The following SNED1 variants were observed in gnomAD, a reference collection of about 807,000 sequenced individuals.
SNED1 encodes sushi, nidogen and EGF-like domain-containing protein 1.
Under a neutral mutation model 166.7 loss-of-function variants are expected in SNED1, and 81 were observed. That is an observed-to-expected ratio of 0.49 (90% CI 0.41 to 0.58). The LOEUF is 0.58. SNED1 is among the 20% of genes least tolerant of loss of function. SNED1 has a pLI of 0.00. For missense variants in SNED1, 1,604 were observed against 2,000.2 expected, an observed-to-expected ratio of 0.80 and a Z score of 3.78; for synonymous variants, 762 against 822.0, an observed-to-expected ratio of 0.93 and a Z score of 1.25.
chr2:241,051,475 G>T lies in SNED1; in HGVS notation c.1736-269G>T. 1 of 372,636 alleles carries T rather than the reference G, an allele frequency of 2.7e-6. No individual in the cohort carries two copies. Among genetic ancestry groups the T allele is most frequent in the Non-Finnish European group, 4.8e-6 (1 of 208,422 alleles). 23.1% of individuals were successfully genotyped at this position (372,636 alleles called of 1,614,324 possible). ...TTGGGGCCGGTTCTCCACAGGAAGGGCCCAGCCATTGCCAGAGCCTGGGCA... is the reference window on the plus strand; with the variant it reads ...TTGGGGCCGGTTCTCCACAGGAAGGTCCCAGCCATTGCCAGAGCCTGGGCA... On this transcript the variant is annotated intron_variant, in intron 12 of 31. Transcript: ENST00000310397. The surrounding 1 kb of genome is among the most constrained non-coding windows in gnomAD (Gnocchi z 4.7).
At chr2:241,058,247 TTATAAA>T (rs1173490672) in intron 16 of SNED1, among the ~76,000 whole-genome samples, 1 of 152,184 alleles carries the variant, frequency 6.6e-6, no homozygotes, top group Admixed American at 6.5e-5. Flanking sequence ...GATACAATTA[TTATAAA>T]TATTCAAGCA....
chr2:241,059,091 A>C (rs1252473038), intron 16 of SNED1, among the ~76,000 whole-genome samples: 2 of 152,260 alleles, frequency 1.3e-5, no homozygotes, highest in Non-Finnish European at 2.9e-5. Flanking sequence ...AGATCCTGCC[A>C]GTACTTAAAG....
Position 241,064,808 on chromosome 2 carries a change from C to A in SNED1, c.2600-36C>A. 6.9e-7 allele frequency: 1 copy of A among 1,453,850 alleles called. No individual in the cohort carries two copies. Among genetic ancestry groups the A allele is most frequent in the Non-Finnish European group, 9.2e-7 (1 of 1,084,196 alleles). 90.1% of individuals were successfully genotyped at this position (1,453,850 alleles called of 1,614,324 possible). On this transcript the variant is annotated intron_variant, in intron 19 of 31. Transcript: ENST00000310397. This position sits in a 1 kb window ranked among gnomAD's most constrained non-coding sequence, Gnocchi z 7.0. ...GGGCTGGAGCAGGGACCCCTGGCCA[C>A]GCCCCAACATACACTGCCACTTTTT...
Position 241,068,436 on chromosome 2 carries a change from G to A in SNED1, c.3195-475G>A, listed in dbSNP as rs542737318. On this transcript the variant is annotated intron_variant, in intron 22 of 31. Coordinates refer to ENST00000310397, the MANE Select transcript of SNED1 (RefSeq NM_001080437.3). The surrounding 1 kb of genome is among the most constrained non-coding windows in gnomAD (Gnocchi z 5.3). The stretch of plus-strand genomic sequence containing the variant: ...GTCGCCAACCAAAGAGAAAGCTTCC[G>A]AATCGTGCTCAGCGCAGGCAGGGGT... Among the ~76,000 whole-genome samples the A allele has an allele frequency of 1.6e-4, 25 of 152,106 alleles. No individual in the cohort carries two copies. Among genetic ancestry groups the A allele is most frequent in the African/African-American group, 4.6e-4 (19 of 41,482 alleles).
At chr2:241,020,743 A>G (rs990014977) in intron 1 of SNED1, among the ~76,000 whole-genome samples, 1 of 152,194 alleles carries the variant, frequency 6.6e-6, no homozygotes, top group Non-Finnish European at 1.5e-5. Context: ...GCAGTGGAGT[A>G]CTGCCCTGGG....
In SNED1 at chr2:240,999,104, GGCCGCTGCCCGCCGGGCCCGGACTCCC is replaced by G. The variant is rs2059999352; in HGVS notation, c.213+60_213+86del. On this transcript the variant is annotated intron_variant, in intron 1 of 31. Coordinates refer to ENST00000310397, the MANE Select transcript of SNED1 (RefSeq NM_001080437.3). This position sits in a 1 kb window ranked among gnomAD's most constrained non-coding sequence, Gnocchi z 5.8. ...CCGGGAGGGGAGGGAGCTGCGCCCC[GGCCGCTGCCCGCCGGGCCCGGACTCCC>G]GCCGCCGCCGCCAGCCACTTGGCAC... 1.3e-5 allele frequency: 15 copies of G among 1,114,820 alleles called. No homozygotes were observed. Among genetic ancestry groups the G allele is most frequent in the Non-Finnish European group, 1.7e-5 (15 of 884,822 alleles). 69.1% of individuals were successfully genotyped at this position (1,114,820 alleles called of 1,614,324 possible).
Position 241,069,025 on chromosome 2 carries a change from T to C in SNED1, c.3307+2T>C. 1 of 1,546,454 alleles carries C rather than the reference T, an allele frequency of 6.5e-7. No individual in the cohort carries two copies. The highest frequency in any genetic ancestry group is 8.7e-7 in the Non-Finnish European group (1 of 1,144,052). On this transcript the variant is annotated splice_donor_variant, in intron 23 of 31. Transcript: ENST00000310397. LOFTEE classifies it high-confidence loss of function. The surrounding 1 kb of genome is among the most constrained non-coding windows in gnomAD (Gnocchi z 4.9). ...CCGCGCCGACGCACGTGTGGACCCG[T>C]GAGTAGAGCAGCGCGGCCCCCGGCA...
In SNED1 at chr2:240,999,020, G is replaced by T; in HGVS notation, c.183G>T (p.Pro61=). 1 of 1,324,500 alleles carries T rather than the reference G, an allele frequency of 7.6e-7. No homozygotes were observed. Among genetic ancestry groups the T allele is most frequent in the Non-Finnish European group, 9.7e-7 (1 of 1,033,270 alleles). 82.0% of individuals were successfully genotyped at this position (1,324,500 alleles called of 1,614,324 possible). A position where few individuals can be genotyped will look rare whatever the true frequency, so the allele number is the denominator to read the frequency against. The change falls in exon 1 of 32, where the codon CCG becomes CCT. Residue 61 remains proline, a synonymous_variant. Coordinates refer to ENST00000310397, the MANE Select transcript of SNED1 (RefSeq NM_001080437.3). This position sits in a 1 kb window ranked among gnomAD's most constrained non-coding sequence, Gnocchi z 5.8. ...SGLRPLSVPF[P]FFGAEHSGLY... ...TGCGGCCGCTCTCGGTGCCCTTCCCGTTCTTCGGTGCCGAGCACTCCGGAC... is the reference window on the plus strand; with the variant it reads ...TGCGGCCGCTCTCGGTGCCCTTCCCTTTCTTCGGTGCCGAGCACTCCGGAC...
At chr2:241,079,302 C>T (rs946579954) in intron 27 of SNED1, among the ~76,000 whole-genome samples, 54 of 143,514 alleles carry the variant, frequency 3.8e-4, no homozygotes, top group Non-Finnish European at 5.3e-4. Context: ...GTCCCAGCTA[C>T]TCAGGAGGCT....
At chr2:241,082,168 G>T in intron 28 of SNED1, 109 bp from the exon 29 acceptor site, 1 of 834,100 alleles carries the variant, frequency 1.2e-6, no homozygotes, top group Admixed American at 2.3e-5. Flanking sequence ...CGCCTTGGAG[G>T]AAGCCAGCCT....
chr2:241,084,134 A>ATTTTTTTTTT (rs368364855), intron 29 of SNED1, among the ~76,000 whole-genome samples: 1 of 123,320 alleles, frequency 8.1e-6, no homozygotes, highest in African/African-American at 3.2e-5. Flanking sequence ...AGCGTCTAGG[A>ATTTTTTTTTT]TTTTTTTTTT....
At chr2:241,089,474 C>T in intron 31 of SNED1, 4 of 1,520,804 alleles carry the variant, frequency 2.6e-6, no homozygotes, top group Non-Finnish European at 3.5e-6. Context: ...TGTCCACACC[C>T]CCTTGGGGGA....
At chr2:241,089,209 C>T (rs2063750711) in intron 31 of SNED1, 2 of 1,274,010 alleles carry the variant, frequency 1.6e-6, no homozygotes, top group African/African-American at 3.0e-5. Flanking sequence ...ATCAACATGT[C>T]ACTGCATGAA....
chr2:241,056,661 A>G (rs1433024386), intron 16 of SNED1, among the ~76,000 whole-genome samples: 1 of 139,162 alleles, frequency 7.2e-6, no homozygotes, highest in Non-Finnish European at 1.5e-5. Context: ...GCTCACTGCA[A>G]TCTCCGCCTC....
In SNED1 at chr2:241,053,325, TG is replaced by T; in HGVS notation, c.2257+1del. On this transcript the variant is annotated frameshift_variant and splice_region_variant, in exon 16 of 32. Coordinates refer to ENST00000310397, the MANE Select transcript of SNED1 (RefSeq NM_001080437.3). LOFTEE classifies it high-confidence loss of function. ...TCTGGAGTGAGCCTCCCCAGTGCCT[TG>T]GTGATTCTGTGGGCCCTTGGGGTGG... ...GVWSEPPQCLEIDECRSQPCL... is the reference protein window; with the variant it reads ...GVWSEPPQCLXIDECRSQPCL... 1 of 1,566,368 alleles carries T rather than the reference TG, an allele frequency of 6.4e-7. No homozygotes were observed. Among genetic ancestry groups the T allele is most frequent in the Non-Finnish European group, 8.7e-7 (1 of 1,153,050 alleles).
At chr2:241,078,448 G>GT (rs2063153987) in intron 27 of SNED1, among the ~76,000 whole-genome samples, 1 of 151,418 alleles carries the variant, frequency 6.6e-6, no homozygotes, top group South Asian at 2.1e-4. Flanking sequence ...CCACTCAATG[G>GT]AACACGATTC....
rs949972814 is a variant in SNED1, at chr2:241,094,341, C to T, written c.*2705C>T. The T allele has an allele frequency of 6.4e-6, 3 of 470,652 alleles. No individual in the cohort carries two copies. The highest frequency in any genetic ancestry group is 1.3e-5 in the Non-Finnish European group (3 of 226,940). The allele number at this position is 470,652 out of a possible 1,614,324, so 29.2% of individuals were successfully genotyped here. The stretch of plus-strand genomic sequence containing the variant: ...AAAGGACTGCCACTGCCATCTGACT[C>T]AACTGTGGCGATGTGGACGGAGTCA... On this transcript the variant is annotated 3_prime_UTR_variant, in exon 32 of 32. Coordinates refer to ENST00000310397, the MANE Select transcript of SNED1 (RefSeq NM_001080437.3). This position sits in a 1 kb window ranked among gnomAD's most constrained non-coding sequence, Gnocchi z 4.3.
At chr2:241,081,507 C>T (rs2063327654) in intron 27 of SNED1, among the ~76,000 whole-genome samples, 170 bp from the exon 28 acceptor site, 1 of 152,236 alleles carries the variant, frequency 6.6e-6, no homozygotes, top group African/African-American at 2.4e-5. Context: ...AACACCTGAA[C>T]TGGGACCACG....
At chr2:241,016,398 A>C (rs985260592) in intron 1 of SNED1, among the ~76,000 whole-genome samples, 1 of 151,902 alleles carries the variant, frequency 6.6e-6, no homozygotes, top group African/African-American at 2.4e-5. Context: ...ATGGGGTTTC[A>C]CCATGTTAGC....
Sources: gnomAD v4.1 joint callset for allele counts (sites outside exome capture counted in the v4.1 genomes callset) on GRCh38, gnomAD v4.1.1 for gene constraint, Gnocchi (gnomAD v3.1) non-coding constraint, MANE v1.5 for transcripts, NCBI Gene and HGNC (gene_info 2026-07-23, HGNC 2026-07-21) for gene names.